Variants in PDE4D observed in about 807,000 individuals in gnomAD.
PDE4D encodes 3',5'-cyclic-AMP phosphodiesterase 4D.
A neutral mutation model predicts 87.4 loss-of-function variants in PDE4D; 24 were observed. The ratio of observed to expected loss-of-function variants is 0.27; its 90% CI spans 0.20 to 0.39. PDE4D has a LOEUF of 0.39. Among genes scored for constraint, PDE4D ranks in the 10% least tolerant of loss-of-function variants. The pLI is 1.00. For missense variants in PDE4D, 714 were observed against 1,041.0 expected, an observed-to-expected ratio of 0.69 and a Z score of 4.32; for synonymous variants, 384 against 383.2, an observed-to-expected ratio of 1.00 and a Z score of -0.02.
intron 5 of PDE4D, among the ~76,000 whole-genome samples, chr5:59,113,612 C>A (rs1202567698): frequency 6.6e-6 from 1 of 152,084 alleles, no homozygotes; most frequent in Non-Finnish European, 1.5e-5. Flanking sequence ...TTCTAAGAAA[C>A]ATAAAGCGAA....
At chr5:59,447,743 T>C (rs547131326) in intron 1 of PDE4D, among the ~76,000 whole-genome samples, 1 of 152,334 alleles carries the variant, frequency 6.6e-6, no homozygotes, top group Admixed American at 6.5e-5. Flanking sequence ...TCCAAGCCCA[T>C]TATTGTGCCA....
chr5:60,378,636 G>A (rs1448801663), intron 1 of PDE4D, among the ~76,000 whole-genome samples: 1 of 151,988 alleles, frequency 6.6e-6, no homozygotes, highest in Non-Finnish European at 1.5e-5. Flanking sequence ...GGTGGATCAC[G>A]ATGTCAGGAG....
At chr5:60,390,636 A>C (rs532769772) in intron 1 of PDE4D, among the ~76,000 whole-genome samples, 1 of 139,700 alleles carries the variant, frequency 7.2e-6, no homozygotes, top group Non-Finnish European at 1.5e-5. Context: ...CTGCAGTAGA[A>C]ATGATAATTT....
chr5:60,182,926 G>A (rs1784490379), intron 2 of PDE4D, among the ~76,000 whole-genome samples: 1 of 151,872 alleles, frequency 6.6e-6, no homozygotes, highest in Non-Finnish European at 1.5e-5. Context: ...TGGACCAAAT[G>A]TTTGTGTCCC....
intron 1 of PDE4D, among the ~76,000 whole-genome samples, chr5:60,454,790 A>G (rs1321288598): frequency 6.6e-6 from 1 of 152,182 alleles, no homozygotes; most frequent in Non-Finnish European, 1.5e-5. Flanking sequence ...CTGCACATGT[A>G]TCCCAGAACT....
intron 1 of PDE4D, among the ~76,000 whole-genome samples, chr5:59,751,160 C>G (rs1760399592): frequency 6.6e-6 from 1 of 152,124 alleles, no homozygotes; most frequent in African/African-American, 2.4e-5. Context: ...AGATGGTTTT[C>G]TGTGTCCAGC....
rs1345913552 is a variant in PDE4D at position 59,450,981 on chromosome 5, C to T, written c.456-235013G>A. Among the ~76,000 whole-genome samples, 5 of 152,106 alleles carry T rather than the reference C, an allele frequency of 3.3e-5. No individual in the cohort carries two copies. In the East Asian group the frequency reaches 7.7e-4, roughly 23 times the overall value. ...ACTTCCCTATCCAGATACTTCTTAC[C>T]TCCTCCTCACTCTGAGCATAATTTC... is the stretch of plus-strand genomic sequence containing the variant. On this transcript the variant is annotated intron_variant, in intron 1 of 14. Coordinates refer to ENST00000340635, the MANE Select transcript of PDE4D (RefSeq NM_001104631.2).
chr5:59,585,134 A>G (rs1370075054), intron 1 of PDE4D, among the ~76,000 whole-genome samples: 1 of 152,156 alleles, frequency 6.6e-6, no homozygotes, highest in African/African-American at 2.4e-5. Context: ...AGCTCTGGTC[A>G]GCAAAAAAGG....
intron 1 of PDE4D, among the ~76,000 whole-genome samples, chr5:59,252,250 C>T (rs1760100145): frequency 6.6e-6 from 1 of 152,128 alleles, no homozygotes; most frequent in African/African-American, 2.4e-5. Context: ...CTCTGCTATA[C>T]TTTATTTTTA....
intron 1 of PDE4D, among the ~76,000 whole-genome samples, chr5:59,775,635 A>G (rs1764002041): frequency 6.6e-6 from 1 of 152,212 alleles, no homozygotes; most frequent in African/African-American, 2.4e-5. Flanking sequence ...CATTTAGTGC[A>G]CGAAAGATCT....
At chr5:59,631,493 C>T (rs1831556408) in intron 1 of PDE4D, among the ~76,000 whole-genome samples, 1 of 152,104 alleles carries the variant, frequency 6.6e-6, no homozygotes, top group Admixed American at 6.6e-5. Context: ...CCTGCAGCTC[C>T]CAGTGAGATC....
At chr5:60,191,506 C>T (rs960753741) in intron 1 of PDE4D, among the ~76,000 whole-genome samples, 19 of 152,252 alleles carry the variant, frequency 1.2e-4, no homozygotes, top group African/African-American at 4.6e-4. Flanking sequence ...CTTGCTTCCC[C>T]TTCGCCTTTC....
At chr5:59,133,417 A>G (rs1776558792) in intron 5 of PDE4D, among the ~76,000 whole-genome samples, 2 of 152,160 alleles carry the variant, frequency 1.3e-5, no homozygotes, top group Admixed American at 1.3e-4. Flanking sequence ...GGATTTCACA[A>G]GGTAATTTAT....
intron 2 of PDE4D, among the ~76,000 whole-genome samples, chr5:60,089,251 C>T (rs897373450): frequency 6.6e-6 from 1 of 151,976 alleles, no homozygotes; most frequent in African/African-American, 2.4e-5. Flanking sequence ...TTTTTCTCAA[C>T]AGCACATGGA....
intron 1 of PDE4D, among the ~76,000 whole-genome samples, chr5:60,287,560 T>C (rs1752529704): frequency 6.6e-6 from 1 of 152,166 alleles, no homozygotes; most frequent in Admixed American, 6.5e-5. Flanking sequence ...AATTAATAAA[T>C]TCCCTCAATC....
chr5:60,300,119 G>T (rs539030416), intron 1 of PDE4D, among the ~76,000 whole-genome samples: 1 of 152,014 alleles, frequency 6.6e-6, no homozygotes, highest in African/African-American at 2.4e-5. Flanking sequence ...GTATCTCATT[G>T]TGGTTTTGAT....
chr5:60,431,935 T>A (rs563645469), intron 1 of PDE4D, among the ~76,000 whole-genome samples: 1 of 152,200 alleles, frequency 6.6e-6, no homozygotes, highest in African/African-American at 2.4e-5. Flanking sequence ...CTGTCAGGTG[T>A]GGCGGCGCAG....
chr5:59,654,268 G>T (rs549390324), intron 1 of PDE4D, among the ~76,000 whole-genome samples: 2 of 152,280 alleles, frequency 1.3e-5, no homozygotes, highest in Non-Finnish European at 2.9e-5. Context: ...GGAGAGGGAA[G>T]AATAAAATAA....
chr5:60,364,823 C>G (rs1760382778), intron 1 of PDE4D, among the ~76,000 whole-genome samples: 1 of 152,142 alleles, frequency 6.6e-6, no homozygotes, highest in South Asian at 2.1e-4. Context: ...GTTTTTAAAA[C>G]CAAAATATAC....
Sources: gnomAD v4.1 joint callset for allele counts (sites outside exome capture counted in the v4.1 genomes callset) on GRCh38, gnomAD v4.1.1 for gene constraint, MANE v1.5 for transcripts, NCBI Gene and HGNC (gene_info 2026-07-23, HGNC 2026-07-21) for gene names.